BSN: variants seen among roughly 807,000 people sequenced by gnomAD.
BSN encodes bassoon presynaptic cytomatrix protein, also known as protein bassoon.
BSN carries 57 observed loss-of-function variants against 264.8 expected under a neutral mutation model. That is an observed-to-expected ratio of 0.22 (90% CI 0.17 to 0.27). The LOEUF (loss-of-function observed/expected upper bound fraction) is 0.27. BSN is among the 10% of genes least tolerant of loss of function. The probability of loss-of-function intolerance (pLI) is 1.00; values close to 1 mark genes in which losing one functional copy is unlikely to be tolerated. For missense variants in BSN, 4,615 were observed against 5,232.5 expected, an observed-to-expected ratio of 0.88 and a Z score of 3.64; for synonymous variants, 2,059 against 2,137.3, an observed-to-expected ratio of 0.96 and a Z score of 1.01.
At chr3:49,568,547 T>C (rs1403445490) in intron 1 of BSN, among the ~76,000 whole-genome samples, 1 of 152,218 alleles carries the variant, frequency 6.6e-6, no homozygotes, top group East Asian at 1.9e-4. Context: ...CTTTTTTATG[T>C]AAAAGGTAGC....
chr3:49,615,654 T>TCTGTGG (rs1309613995), intron 1 of BSN, among the ~76,000 whole-genome samples: 1 of 152,228 alleles, frequency 6.6e-6, no homozygotes, highest in Non-Finnish European at 1.5e-5. Context: ...ACAGGCTCTT[T>TCTGTGG]CTGTGGCTGT....
chr3:49,652,810 G>A lies in BSN; in HGVS notation c.3254G>A (p.Arg1085Gln), dbSNP rs143867017. 8.3e-6 allele frequency: 13 copies of A among 1,560,752 alleles called. No individual in the cohort carries two copies. The highest frequency in any genetic ancestry group is 7.5e-5 in the Admixed American group (4 of 53,026). ...RRDKEELRAQ[R>Q]RRERSKTPPS... ...GACAAGGAAGAACTGCGGGCCCAGC[G>A]GAGGCGAGAGCGCTCCAAGACACCA... The change falls in exon 5 of 12, where the codon CGG becomes CAG. Residue 1085 changes from arginine (R) to glutamine (Q), a missense_variant. Transcript: ENST00000296452.
chr3:49,564,828 G>A (rs1046603579), intron 1 of BSN, among the ~76,000 whole-genome samples: 5 of 152,168 alleles, frequency 3.3e-5, no homozygotes, highest in African/African-American at 1.2e-4. Context: ...GGCAGCCCCT[G>A]TGCTCTGCAG....
At position 49,654,881 on chromosome 3, in the gene BSN, A is replaced by G; in HGVS notation, c.5325A>G (p.Lys1775=). 1 of 1,613,438 alleles carries G rather than the reference A, an allele frequency of 6.2e-7. No homozygotes were observed. Among genetic ancestry groups the G allele is most frequent in the Non-Finnish European group, 8.5e-7 (1 of 1,179,944 alleles). The change falls in exon 5 of 12, where the codon AAA becomes AAG. Residue 1775 remains lysine (K), a synonymous_variant. Transcript: ENST00000296452. The surrounding 1 kb of genome is among the most constrained non-coding windows in gnomAD (Gnocchi z 4.1). ...GCCCTGTGTGCCTGGCCCAGGTCAA[A>G]CAAGTAGAGCAGGCTGTCCAGACAG... is the stretch of plus-strand genomic sequence containing the variant. The part of the protein sequence containing the change: ...GGSPVCLAQV[K]QVEQAVQTAP...
intron 1 of BSN, among the ~76,000 whole-genome samples, chr3:49,613,613 A>G (rs967716819): frequency 1.8e-4 from 27 of 150,256 alleles, no homozygotes; most frequent in African/African-American, 5.4e-4. Context: ...TTCTGCCTCA[A>G]CCTCCCAAGT....
rs140406615 is a variant in BSN at position 49,652,483 on chromosome 3, G to A, written c.2927G>A (p.Arg976His). Residue 976 changes from arginine (R) to histidine (H), a missense_variant, in exon 5 of 12, where the codon CGT (arginine) becomes CAT (histidine). Transcript: ENST00000296452. Reference protein sequence around the residue: ...SLTGSPEDRSRGEHSSTLPAS... With the variant: ...SLTGSPEDRSHGEHSSTLPAS... Reference sequence around the variant, plus strand: ...ACGGGCTCCCCTGAGGACCGCTCCCGTGGTGAGCACTCCTCTACATTGCCT... The same window carrying A: ...ACGGGCTCCCCTGAGGACCGCTCCCATGGTGAGCACTCCTCTACATTGCCT... 1.2e-5 allele frequency: 19 copies of A among 1,613,664 alleles called. No homozygotes were observed. Among genetic ancestry groups the A allele is most frequent in the African/African-American group, 5.3e-5 (4 of 74,938 alleles).
At chr3:49,627,816 C>T (rs535821628) in intron 2 of BSN, among the ~76,000 whole-genome samples, 1 of 152,306 alleles carries the variant, frequency 6.6e-6, no homozygotes, top group Non-Finnish European at 1.5e-5. Flanking sequence ...TTCAGTTCCT[C>T]ACTTCCCAGG....
At position 49,655,961 on chromosome 3, in the gene BSN, C is replaced by T. The variant is rs552851211; in HGVS notation, c.6405C>T (p.Leu2135=). ...VQYQPQHGPG[L]SAPQSLVPLR... is the part of the protein sequence containing the mutation. ...ACCAGCCCCAGCACGGGCCCGGGCTCAGTGCTCCACAGAGTCTGGTTCCCC... is the reference window on the plus strand; with the variant it reads ...ACCAGCCCCAGCACGGGCCCGGGCTTAGTGCTCCACAGAGTCTGGTTCCCC... The change falls in exon 5 of 12, where the codon CTC becomes CTT. Residue 2135 remains leucine, a synonymous_variant. Coordinates refer to ENST00000296452, the MANE Select transcript of BSN (RefSeq NM_003458.4). 1.0e-4 allele frequency: 165 copies of T among 1,610,020 alleles called. 2 individuals are homozygous for T. The South Asian group carries it at 1.7e-3, about 16-fold the overall frequency.
intron 1 of BSN, among the ~76,000 whole-genome samples, chr3:49,574,503 G>T (rs1036201057): frequency 1.3e-5 from 2 of 151,864 alleles, no homozygotes; most frequent in African/African-American, 4.8e-5. Context: ...GCGTGGTCTC[G>T]GCTCACTGCA....
chr3:49,555,635 A>T (rs996898453), intron 1 of BSN, among the ~76,000 whole-genome samples: 1 of 152,256 alleles, frequency 6.6e-6, no homozygotes, highest in African/African-American at 2.4e-5. Flanking sequence ...GGTCCTGCAA[A>T]AACAGTCAAG....
intron 1 of BSN, among the ~76,000 whole-genome samples, chr3:49,574,126 TTTTGTA>T (rs1274828149): frequency 9.2e-6 from 1 of 108,898 alleles, no homozygotes; most frequent in Non-Finnish European, 1.8e-5. Flanking sequence ...ATTTTTGTAT[TTTTGTA>T]TTTTTTTTTT....
chr3:49,599,261 A>G (rs1442852374), intron 1 of BSN, among the ~76,000 whole-genome samples: 1 of 152,158 alleles, frequency 6.6e-6, no homozygotes, highest in Non-Finnish European at 1.5e-5. Flanking sequence ...CTGATTGCTC[A>G]TGAGTGAATG....
At chr3:49,605,721 T>G (rs1277559562) in intron 1 of BSN, among the ~76,000 whole-genome samples, 1 of 57,766 alleles carries the variant, frequency 1.7e-5, no homozygotes, top group East Asian at 5.0e-4. Flanking sequence ...ATATAACATA[T>G]AAATGTATAT....
intron 1 of BSN, among the ~76,000 whole-genome samples, chr3:49,620,841 C>T (rs149031825): frequency 1.3e-5 from 2 of 152,180 alleles, no homozygotes; most frequent in African/African-American, 2.4e-5. Context: ...AAAAAATTAG[C>T]GAAGCATGCT....
chr3:49,556,747 C>T (rs1302574456), intron 1 of BSN, among the ~76,000 whole-genome samples: 1 of 152,236 alleles, frequency 6.6e-6, no homozygotes, highest in Non-Finnish European at 1.5e-5. Context: ...TAGAGCATCT[C>T]AGATACCTGA....
intron 2 of BSN, among the ~76,000 whole-genome samples, chr3:49,635,439 T>C (rs1198824217): frequency 6.6e-6 from 1 of 152,132 alleles, no homozygotes; most frequent in Non-Finnish European, 1.5e-5. Flanking sequence ...TCTTGATGCC[T>C]TGCTGGGTGG....
intron 2 of BSN, among the ~76,000 whole-genome samples, chr3:49,636,978 C>T (rs1355414619): frequency 6.6e-6 from 1 of 152,240 alleles, no homozygotes; most frequent in East Asian, 1.9e-4. Flanking sequence ...GCCAGTGACT[C>T]ATAGCCCAGA....
rs1336969042 is a variant in BSN at position 49,651,840 on chromosome 3, C to T, written c.2284C>T (p.His762Tyr). The T allele has an allele frequency of 1.9e-6, 3 of 1,613,906 alleles. No homozygotes were observed. Among genetic ancestry groups the T allele is most frequent in the Admixed American group, 1.7e-5 (1 of 60,030 alleles). Residue 762 changes from histidine to tyrosine, a missense_variant, in exon 5 of 12, where the codon CAC (histidine) becomes TAC (tyrosine). Transcript: ENST00000296452. This position sits in a 1 kb window ranked among gnomAD's most constrained non-coding sequence, Gnocchi z 5.4. ...GTGEEQKQRPHSLSITPEAFD... is the reference protein window; with the variant it reads ...GTGEEQKQRPYSLSITPEAFD... ...TGGCGAGGAGCAGAAGCAGCGGCCC[C>T]ACTCCTTGTCCATCACGCCTGAGGC...
rs1259518620 is a variant in BSN at position 49,625,396 on chromosome 3, G to A, written c.633+13G>A. The stretch of plus-strand genomic sequence containing the variant: ...TCATCTCACCCAGGTAACCACTTCT[G>A]CGCCGGCTCCCCACTCACCTGCTAC... On this transcript the variant is annotated intron_variant, in intron 2 of 11. Coordinates refer to ENST00000296452, the MANE Select transcript of BSN (RefSeq NM_003458.4). The surrounding 1 kb of genome is among the most constrained non-coding windows in gnomAD (Gnocchi z 4.4). 8.9e-6 allele frequency: 13 copies of A among 1,457,740 alleles called. No homozygotes were observed. The highest frequency in any genetic ancestry group is 1.2e-5 in the Non-Finnish European group (13 of 1,105,680). The allele number at this position is 1,457,740 out of a possible 1,614,324, so 90.3% of individuals were successfully genotyped here. A position where few individuals can be genotyped will look rare whatever the true frequency, so the allele number is the denominator to read the frequency against.
Sources: allele counts gnomAD v4.1 joint callset (sites outside exome capture counted in the v4.1 genomes callset), GRCh38; gene constraint gnomAD v4.1.1; non-coding constraint Gnocchi (gnomAD v3.1); transcripts MANE v1.5; gene names NCBI Gene and HGNC (gene_info 2026-07-23, HGNC 2026-07-21).